The following PCDHGB3 variants were observed in gnomAD, a reference collection of about 807,000 sequenced individuals.
PCDHGB3 encodes protocadherin gamma subfamily B, 3, also known as protocadherin gamma-B3.
Under a neutral mutation model 59.2 loss-of-function variants are expected in PCDHGB3, and 40 were observed. The ratio of observed to expected loss-of-function variants is 0.68; its 90% CI spans 0.52 to 0.88. The LOEUF (loss-of-function observed/expected upper bound fraction) is 0.88, where lower values mean the gene tolerates loss of function less well. Among genes scored for constraint, PCDHGB3 ranks in the 40% least tolerant of loss-of-function variants. The pLI is 0.00. For synonymous variants in PCDHGB3, 581 were observed against 503.6 expected (o/e 1.15, Z -2.06); for missense variants, 1,309 against 1,187.9 (o/e 1.10, Z -1.50).
chr5:141,439,709 A>G (rs2098127560), intron 1 of PCDHGB3: 1 of 152,540 alleles, frequency 6.6e-6, no homozygotes, highest in African/African-American at 2.4e-5. Context: ...TATGGCTCCT[A>G]GTTCTACAAA....
chr5:141,455,577 C>T (rs1000865176), intron 1 of PCDHGB3, among the ~76,000 whole-genome samples: 3 of 152,120 alleles, frequency 2.0e-5, no homozygotes, highest in East Asian at 1.9e-4. Context: ...CCCACCCCAG[C>T]CTTTTAATAT....
At chr5:141,472,849 G>C (rs966051912) in intron 1 of PCDHGB3, among the ~76,000 whole-genome samples, 1 of 151,340 alleles carries the variant, frequency 6.6e-6, no homozygotes, top group East Asian at 2.0e-4. Flanking sequence ...AGCTGGGCAT[G>C]GTGGCACATG....
At chr5:141,414,135 A>G in intron 1 of PCDHGB3, 1 of 1,595,504 alleles carries the variant, frequency 6.3e-7, no homozygotes, top group Non-Finnish European at 8.5e-7. Context: ...GTTTCTATGA[A>G]ATAGAAATAC....
chr5:141,394,489 C>T (rs989814835), intron 1 of PCDHGB3: 5 of 1,614,122 alleles, frequency 3.1e-6, no homozygotes, highest in Non-Finnish European at 4.2e-6. Context: ...AATGACAACG[C>T]GCCCGAGATC....
At position 141,370,391 on chromosome 5, in the gene PCDHGB3, C is replaced by A. The variant is rs1766857480; in HGVS notation, c.-4C>A. On this transcript the variant is annotated 5_prime_UTR_variant, in exon 1 of 4. Coordinates refer to ENST00000576222, the MANE Select transcript of PCDHGB3 (RefSeq NM_018924.5). ...TTTAGAAAGGCAAAGGCGCAGAGAG[C>A]GGGATGGGAAATAGCTCCGGATGGA... 1.9e-6 allele frequency: 3 copies of A among 1,542,934 alleles called. No individual in the cohort carries two copies. Among genetic ancestry groups the A allele is most frequent in the African/African-American group, 1.4e-5 (1 of 72,382 alleles).
chr5:141,505,078 C>G (rs535590642), intron 2 of PCDHGB3, among the ~76,000 whole-genome samples: 81 of 152,298 alleles, frequency 5.3e-4, no homozygotes, highest in African/African-American at 2.0e-3. Flanking sequence ...AGGAGAATCG[C>G]TTGAACCCAG....
At position 141,372,662 on chromosome 5, in the gene PCDHGB3, T is replaced by C; in HGVS notation, c.2268T>C (p.Ala756=). The change falls in exon 1 of 4, where the codon GCT becomes GCC. Residue 756 remains alanine (A), a synonymous_variant. Coordinates refer to ENST00000576222, the MANE Select transcript of PCDHGB3 (RefSeq NM_018924.5). ...RTLPYSYNPC[A]ASHSSNTEFK... ...TGCCTTATTCCTACAATCCGTGTGC[T>C]GCCTCACATTCCTCAAACACCGAGT... The C allele has an allele frequency of 6.2e-7, 1 of 1,614,056 alleles. No individual in the cohort carries two copies. Among genetic ancestry groups the C allele is most frequent in the Non-Finnish European group, 8.5e-7 (1 of 1,179,888 alleles).
At position 141,384,374 on chromosome 5, in the gene PCDHGB3, C is replaced by T; in HGVS notation, c.2415+11565C>T. 3.1e-6 allele frequency: 5 copies of T among 1,613,920 alleles called. No individual in the cohort carries two copies. In the South Asian group the frequency reaches 5.5e-5, roughly 18 times the overall value. ...AATGCCCAGATCACTTATTCCTTGG[C>T]CGAAGACACCATCCAGGGGGCTCCA... is the stretch of plus-strand genomic sequence containing the variant. On this transcript the variant is annotated intron_variant, in intron 1 of 3. Transcript: ENST00000576222.
At position 141,391,015 on chromosome 5, in the gene PCDHGB3, CAAAGA is replaced by C. The variant is rs1353502690; in HGVS notation, c.2415+18212_2415+18216del. On this transcript the variant is annotated intron_variant, in intron 1 of 3. Transcript: ENST00000576222. ...TTCAAGCTCATTCTATATCCTTCAT[CAAAGA>C]AAAGACAATGTTTTGTGTCTGTTGT... 3.3e-5 allele frequency: 5 copies of C among 152,166 alleles called. No individual in the cohort carries two copies. The East Asian group carries it at 9.6e-4, about 29-fold the overall frequency. The allele number at this position is 152,166 out of a possible 1,614,324, so 9.4% of individuals were successfully genotyped here. A position where few individuals can be genotyped will look rare whatever the true frequency, so the allele number is the denominator to read the frequency against.
At chr5:141,452,193 G>A (rs764434048) in intron 1 of PCDHGB3, among the ~76,000 whole-genome samples, 3 of 151,990 alleles carry the variant, frequency 2.0e-5, no homozygotes, top group Admixed American at 6.6e-5. Context: ...ACCTCAAATT[G>A]TTTTAGATGT....
chr5:141,474,430 C>T (rs2099349577), intron 1 of PCDHGB3, among the ~76,000 whole-genome samples: 1 of 152,212 alleles, frequency 6.6e-6, no homozygotes, highest in African/African-American at 2.4e-5. Flanking sequence ...TTGGTCCTCA[C>T]ACTTTGAGTA....
At position 141,485,729 on chromosome 5, in the gene PCDHGB3, A is replaced by G. The variant is rs2099618322; in HGVS notation, c.2416-9078A>G. 6.2e-7 allele frequency: 1 copy of G among 1,614,092 alleles called. No individual in the cohort carries two copies. The highest frequency in any genetic ancestry group is 1.1e-5 in the South Asian group (1 of 91,094). ...CTTTGCACTGGATGTGAAGAAGCGCAGCGACGGCAGCCTGGTCCCAGAGCT... is the reference window on the plus strand; with the variant it reads ...CTTTGCACTGGATGTGAAGAAGCGCGGCGACGGCAGCCTGGTCCCAGAGCT... On this transcript the variant is annotated intron_variant, in intron 1 of 3. Coordinates refer to ENST00000576222, the MANE Select transcript of PCDHGB3 (RefSeq NM_018924.5). This position sits in a 1 kb window ranked among gnomAD's most constrained non-coding sequence, Gnocchi z 5.7.
intron 1 of PCDHGB3, chr5:141,383,934 A>G (rs756515135): frequency 2.5e-6 from 4 of 1,613,944 alleles, no homozygotes; most frequent in Non-Finnish European, 3.4e-6. Flanking sequence ...ATAATGCTCC[A>G]GAAGTGACTA....
At chr5:141,420,468 T>G in intron 1 of PCDHGB3, 1 of 799,886 alleles carries the variant, frequency 1.3e-6, no homozygotes, top group East Asian at 3.3e-5. Context: ...CAAAGACATT[T>G]TAAAGCAAAC....
intron 1 of PCDHGB3, among the ~76,000 whole-genome samples, chr5:141,479,789 T>C (rs888217885): frequency 3.3e-5 from 5 of 152,196 alleles, no homozygotes; most frequent in Non-Finnish European, 2.9e-5. Flanking sequence ...AAAGCATTCA[T>C]TAATTCAGGG....
intron 1 of PCDHGB3, chr5:141,409,169 G>A (rs371896881): frequency 3.5e-5 from 56 of 1,613,906 alleles, no homozygotes; most frequent in Non-Finnish European, 4.2e-5. Flanking sequence ...GGAAGCGAAG[G>A]ACGGAGGTGG....
intron 1 of PCDHGB3, among the ~76,000 whole-genome samples, chr5:141,386,310 A>G (rs891781671): frequency 6.6e-6 from 1 of 152,216 alleles, no homozygotes; most frequent in African/African-American, 2.4e-5. Flanking sequence ...AGCTCAGTAT[A>G]TCAAGTGATT....
Position 141,456,898 on chromosome 5 carries a change from G to A in PCDHGB3, c.2416-37909G>A, listed in dbSNP as rs1046778634. 3.9e-5 allele frequency among the ~76,000 whole-genome samples: 6 copies of A among 152,284 alleles called. No individual in the cohort carries two copies. The South Asian group carries it at 6.2e-4, about 16-fold the overall frequency. On this transcript the variant is annotated intron_variant, in intron 1 of 3. Transcript: ENST00000576222. ...GAATCGCTTGAACCCGGGAGGCAGA[G>A]GTTGCAGTGAGCCGAGATCGCACCA...
intron 1 of PCDHGB3, chr5:141,421,419 A>T (rs778839137): frequency 1.2e-6 from 2 of 1,614,072 alleles, no homozygotes; most frequent in Non-Finnish European, 1.7e-6. Context: ...CGAAGCGCGG[A>T]GTCCGCATCG....
Sources: gnomAD v4.1 joint callset for allele counts (sites outside exome capture counted in the v4.1 genomes callset) on GRCh38, gnomAD v4.1.1 for gene constraint, Gnocchi (gnomAD v3.1) non-coding constraint, MANE v1.5 for transcripts, NCBI Gene and HGNC (gene_info 2026-07-23, HGNC 2026-07-21) for gene names.